The following GRIA2 variants were observed in gnomAD, a reference collection of about 807,000 sequenced individuals.
GRIA2 encodes glutamate receptor 2.
GRIA2 carries 14 observed loss-of-function variants against 97.3 expected under a neutral mutation model. That is an observed-to-expected ratio of 0.14 (90% CI 0.10 to 0.23). GRIA2 has a LOEUF of 0.23. Ranked by LOEUF, GRIA2 falls within the 10% of genes least tolerant of loss-of-function variation. The pLI is 1.00. For synonymous variants in GRIA2, 412 were observed against 387.8 expected (o/e 1.06, Z -0.73); for missense variants, 558 against 1,069.8 (o/e 0.52, Z 6.67).
At chr4:157,341,228 T>G (rs1735533763) in intron 11 of GRIA2, 36 bp from the exon 12 acceptor site, 2 of 1,409,274 alleles carry the variant, frequency 1.4e-6, no homozygotes, top group African/African-American at 2.8e-5. Flanking sequence ...AGGTCATTCA[T>G]TTCACTTTAC....
intron 2 of GRIA2, among the ~76,000 whole-genome samples, chr4:157,237,381 A>C (rs1203261133): frequency 6.6e-6 from 1 of 151,840 alleles, no homozygotes; most frequent in Non-Finnish European, 1.5e-5. Flanking sequence ...TGTAACCGCA[A>C]ACTCCTGAGC....
intron 12 of GRIA2, among the ~76,000 whole-genome samples, chr4:157,343,788 A>G (rs1055594840): frequency 6.6e-6 from 1 of 152,268 alleles, no homozygotes; most frequent in South Asian, 2.1e-4. Context: ...TCATTGAAAT[A>G]TATGACACGG....
intron 3 of GRIA2, among the ~76,000 whole-genome samples, chr4:157,308,216 G>T (rs866754855): frequency 6.6e-6 from 1 of 152,136 alleles, no homozygotes. Flanking sequence ...TTAATACTGG[G>T]TCAAGATGAG....
intron 2 of GRIA2, among the ~76,000 whole-genome samples, chr4:157,280,828 A>G (rs1215671974): frequency 6.6e-6 from 1 of 152,042 alleles, no homozygotes; most frequent in Non-Finnish European, 1.5e-5. Context: ...ATGCAGGCAT[A>G]AATAACAGGA....
At chr4:157,329,348 A>T (rs1734947234) in intron 6 of GRIA2, among the ~76,000 whole-genome samples, 1 of 152,000 alleles carries the variant, frequency 6.6e-6, no homozygotes, top group Non-Finnish European at 1.5e-5. Context: ...AAAATTTTTT[A>T]ACTAAATAAT....
chr4:157,362,419 G>A lies in GRIA2; in HGVS notation c.2407-380G>A, dbSNP rs138170320. 62 of 460,028 alleles carry A rather than the reference G, an allele frequency of 1.3e-4. No individual in the cohort carries two copies. In the East Asian group the frequency reaches 2.1e-3, roughly 15 times the overall value. The allele number at this position is 460,028 out of a possible 1,614,324, so 28.5% of individuals were successfully genotyped here. On this transcript the variant is annotated intron_variant, in intron 14 of 15. Coordinates refer to ENST00000264426, the MANE Select transcript of GRIA2 (RefSeq NM_001083619.3). ...CGTATGGTTTATTTTAGCCCTGTTC[G>A]CTGTCAGCTTTACCAGATTATTTAT...
chr4:157,329,487 C>T (rs1256609639), intron 6 of GRIA2, among the ~76,000 whole-genome samples: 2 of 151,836 alleles, frequency 1.3e-5, no homozygotes, highest in South Asian at 4.1e-4. Context: ...CAAAATTGGT[C>T]ATTAATTTGG....
chr4:157,249,087 A>G (rs920194149), intron 2 of GRIA2, among the ~76,000 whole-genome samples: 1 of 152,036 alleles, frequency 6.6e-6, no homozygotes, highest in Non-Finnish European at 1.5e-5. Flanking sequence ...CTCCTGCCTC[A>G]GCCTCCCAAA....
At chr4:157,227,788 C>A (rs1003412884) in intron 2 of GRIA2, among the ~76,000 whole-genome samples, 1 of 152,144 alleles carries the variant, frequency 6.6e-6, no homozygotes, top group African/African-American at 2.4e-5. Context: ...CTCCAAAGAT[C>A]TACATAATTG....
At chr4:157,237,289 GTTT>G in intron 2 of GRIA2, among the ~76,000 whole-genome samples, 1 of 142,380 alleles carries the variant, frequency 7.0e-6, no homozygotes, top group African/African-American at 2.6e-5. Context: ...AAATGTATAA[GTTT>G]TTTTTTTTTT....
intron 7 of GRIA2, 128 bp from the exon 8 acceptor site, chr4:157,333,121 G>A: frequency 1.1e-6 from 1 of 925,560 alleles, no homozygotes. Context: ...CACAAAGGTA[G>A]GTTGAAGAGA....
In GRIA2 at chr4:157,361,930, G is replaced by A. The variant is rs1252208171; in HGVS notation, c.2406+806G>A. Among the ~76,000 whole-genome samples the A allele has an allele frequency of 6.6e-6, 1 of 152,144 alleles. No individual in the cohort carries two copies. Among genetic ancestry groups the A allele is most frequent in the Non-Finnish European group, 1.5e-5 (1 of 68,026 alleles). On this transcript the variant is annotated intron_variant, in intron 14 of 15. Coordinates refer to ENST00000264426, the MANE Select transcript of GRIA2 (RefSeq NM_001083619.3). This position sits in a 1 kb window ranked among gnomAD's most constrained non-coding sequence, Gnocchi z 5.2. ...ATAGTGCATGAAACAGCAACATACT[G>A]AAATAGAGTAAATGGCCTAATGAGA...
intron 2 of GRIA2, among the ~76,000 whole-genome samples, chr4:157,249,203 G>A (rs1040877600): frequency 6.6e-6 from 1 of 152,100 alleles, no homozygotes; most frequent in African/African-American, 2.4e-5. Flanking sequence ...CCACCAGGGA[G>A]TTTGAAATCT....
At chr4:157,250,007 A>G (rs540395278) in intron 2 of GRIA2, among the ~76,000 whole-genome samples, 1 of 152,260 alleles carries the variant, frequency 6.6e-6, no homozygotes, top group Non-Finnish European at 1.5e-5. Flanking sequence ...TGATCTGCAA[A>G]TATTTTTAAA....
chr4:157,356,039 TTATATATG>T (rs1410135178), intron 12 of GRIA2, among the ~76,000 whole-genome samples: 4 of 110,370 alleles, frequency 3.6e-5, no homozygotes, highest in African/African-American at 1.5e-4. Context: ...TTATATTTAT[TTATATATG>T]TATTTATATA....
intron 2 of GRIA2, among the ~76,000 whole-genome samples, chr4:157,295,430 G>A (rs1733302685): frequency 1.3e-5 from 2 of 152,004 alleles, no homozygotes; most frequent in East Asian, 1.9e-4. Context: ...ATGTCATTGG[G>A]GTGTATGTTT....
At chr4:157,230,652 A>G (rs577656394) in intron 2 of GRIA2, among the ~76,000 whole-genome samples, 1 of 139,484 alleles carries the variant, frequency 7.2e-6, no homozygotes, top group East Asian at 2.1e-4. Context: ...TTTTTGTTTA[A>G]GCATCTCTTT....
At chr4:157,231,995 A>C (rs188859310) in intron 2 of GRIA2, among the ~76,000 whole-genome samples, 1 of 152,358 alleles carries the variant, frequency 6.6e-6, no homozygotes, top group Admixed American at 6.5e-5. Context: ...CTAACTATTC[A>C]AAAGTTATTC....
At chr4:157,249,215 A>C (rs1730917034) in intron 2 of GRIA2, among the ~76,000 whole-genome samples, 1 of 152,112 alleles carries the variant, frequency 6.6e-6, no homozygotes, top group African/African-American at 2.4e-5. Context: ...TTGAAATCTA[A>C]GAAGAAACTT....
Sources: gnomAD v4.1 joint callset for allele counts (sites outside exome capture counted in the v4.1 genomes callset) on GRCh38, gnomAD v4.1.1 for gene constraint, Gnocchi (gnomAD v3.1) non-coding constraint, MANE v1.5 for transcripts, NCBI Gene and HGNC (gene_info 2026-07-23, HGNC 2026-07-21) for gene names.